FARS2: variants seen among roughly 807,000 people sequenced by gnomAD.
FARS2 encodes phenylalanine--tRNA ligase, mitochondrial.
A neutral mutation model predicts 46.4 loss-of-function variants in FARS2; 40 were observed. The observed-to-expected ratio is 0.86, with a 90% CI of 0.67 to 1.12. The LOEUF (loss-of-function observed/expected upper bound fraction) is 1.12. Among genes scored for constraint, FARS2 ranks in the 50% most tolerant of loss-of-function variants. The pLI is 0.00. For missense variants in FARS2, 513 were observed against 567.9 expected, an observed-to-expected ratio of 0.90 and a Z score of 0.98; for synonymous variants, 234 against 214.9, an observed-to-expected ratio of 1.09 and a Z score of -0.78.
intron 4 of FARS2, among the ~76,000 whole-genome samples, chr6:5,528,725 G>C (rs187153866): frequency 6.6e-6 from 1 of 152,270 alleles, no homozygotes; most frequent in Admixed American, 6.5e-5. Context: ...CCAGTTTGGA[G>C]CAATGAAATG....
intron 4 of FARS2, among the ~76,000 whole-genome samples, chr6:5,510,339 C>T (rs1333266903): frequency 2.6e-5 from 4 of 152,156 alleles, no homozygotes; most frequent in African/African-American, 4.8e-5. Flanking sequence ...CTGGTCCCTT[C>T]GCCCTCTCCC....
intron 4 of FARS2, among the ~76,000 whole-genome samples, chr6:5,525,086 C>T (rs192862798): frequency 7.2e-5 from 11 of 152,002 alleles, no homozygotes; most frequent in South Asian, 2.1e-4. Flanking sequence ...CTTCTTTCCT[C>T]GGGCACTCGC....
At chr6:5,378,473 C>T (rs929999684) in intron 2 of FARS2, among the ~76,000 whole-genome samples, 11 of 152,214 alleles carry the variant, frequency 7.2e-5, no homozygotes, top group African/African-American at 2.7e-4. Context: ...CCAGATGGTT[C>T]ACTGGAACCC....
chr6:5,260,132 C>T (rs1020659587), upstream of FARS2, among the ~76,000 whole-genome samples: 1 of 152,146 alleles, frequency 6.6e-6, no homozygotes, highest in Non-Finnish European at 1.5e-5. Flanking sequence ...CGCATTTCCA[C>T]CATACCCTAA....
chr6:5,433,607 A>G (rs1763357411), intron 4 of FARS2, among the ~76,000 whole-genome samples: 1 of 152,260 alleles, frequency 6.6e-6, no homozygotes. Flanking sequence ...TTGTATGTGC[A>G]TCTCAACAGA....
At position 5,268,265 on chromosome 6, in the gene FARS2, A is replaced by C. The variant is rs953946796; in HGVS notation, c.-22+6605A>C. On this transcript the variant is annotated intron_variant, in intron 1 of 6. Transcript: ENST00000274680. ...TGCCATTGCTTTTGGTGTTTTAGACACGAAGTCCTTGCCCATGCCTATGTC... is the reference window on the plus strand; with the variant it reads ...TGCCATTGCTTTTGGTGTTTTAGACCCGAAGTCCTTGCCCATGCCTATGTC... Among the ~76,000 whole-genome samples the C allele has an allele frequency of 4.0e-5, 6 of 151,558 alleles. No individual in the cohort carries two copies. The East Asian group carries it at 7.7e-4, about 20-fold the overall frequency.
In FARS2 at chr6:5,459,200, A is replaced by G. The variant is rs189422182; in HGVS notation, c.904+28028A>G. 2.0e-5 allele frequency among the ~76,000 whole-genome samples: 3 copies of G among 152,316 alleles called. No individual in the cohort carries two copies. In the East Asian group the frequency reaches 5.8e-4, roughly 29 times the overall value. On this transcript the variant is annotated intron_variant, in intron 4 of 6. Transcript: ENST00000274680. ...CTTCTAAGAAAAACAAATTAGTTTAACATATTTCTAGAAATGGAAACTCTT... is the reference window on the plus strand; with the variant it reads ...CTTCTAAGAAAAACAAATTAGTTTAGCATATTTCTAGAAATGGAAACTCTT...
chr6:5,420,283 C>T (rs1762471574), intron 3 of FARS2, among the ~76,000 whole-genome samples: 1 of 152,156 alleles, frequency 6.6e-6, no homozygotes, highest in Non-Finnish European at 1.5e-5. Context: ...TCATTCCATC[C>T]CTGGCCCCTC....
intron 5 of FARS2, among the ~76,000 whole-genome samples, chr6:5,569,813 G>A (rs564496139): frequency 1.3e-5 from 2 of 152,244 alleles, no homozygotes; most frequent in South Asian, 2.1e-4. Context: ...GCAAGCACTG[G>A]CATGGGTTGA....
intron 4 of FARS2, among the ~76,000 whole-genome samples, chr6:5,450,279 A>G (rs1299018799): frequency 1.3e-5 from 2 of 151,840 alleles, no homozygotes; most frequent in Non-Finnish European, 2.9e-5. Flanking sequence ...GGTGGCATCT[A>G]GTGTGACTTG....
chr6:5,491,371 T>C (rs138093829), intron 4 of FARS2, among the ~76,000 whole-genome samples: 119 of 152,320 alleles, frequency 7.8e-4, no homozygotes, highest in Middle Eastern at 6.8e-3. Context: ...GCTACCATAA[T>C]TGTTGCTGTG....
intron 4 of FARS2, among the ~76,000 whole-genome samples, chr6:5,449,241 C>T (rs965918701): frequency 5.3e-5 from 8 of 150,192 alleles, no homozygotes; most frequent in South Asian, 2.1e-4. Context: ...ACCAGCTACT[C>T]GGGAGGCTGA....
At chr6:5,478,965 A>G (rs1766284275) in intron 4 of FARS2, among the ~76,000 whole-genome samples, 1 of 152,194 alleles carries the variant, frequency 6.6e-6, no homozygotes, top group African/African-American at 2.4e-5. Flanking sequence ...CTTGACTATA[A>G]AATATACAAA....
intron 6 of FARS2, among the ~76,000 whole-genome samples, chr6:5,643,736 C>T (rs1319258673): frequency 6.6e-6 from 1 of 152,152 alleles, no homozygotes; most frequent in Non-Finnish European, 1.5e-5. Flanking sequence ...CAAGGGTAAA[C>T]TGCTTGATCC....
chr6:5,256,131 C>T (rs1170737082), upstream of FARS2, among the ~76,000 whole-genome samples: 2 of 151,994 alleles, frequency 1.3e-5, no homozygotes, highest in South Asian at 2.1e-4. Flanking sequence ...GCTACGGATG[C>T]TATTCTAGGG....
chr6:5,640,441 C>G (rs1366144249), intron 6 of FARS2, among the ~76,000 whole-genome samples: 1 of 152,182 alleles, frequency 6.6e-6, no homozygotes, highest in African/African-American at 2.4e-5. Flanking sequence ...GAGCTTCCCC[C>G]GAGTTGGAGC....
At chr6:5,417,770 T>C (rs1762325106) in intron 3 of FARS2, among the ~76,000 whole-genome samples, 2 of 152,240 alleles carry the variant, frequency 1.3e-5, no homozygotes, top group South Asian at 2.1e-4. Flanking sequence ...TGGATTTATA[T>C]TTTTCGTGAA....
chr6:5,643,421 T>G (rs948732081), intron 6 of FARS2, among the ~76,000 whole-genome samples: 3 of 152,106 alleles, frequency 2.0e-5, no homozygotes, highest in Non-Finnish European at 4.4e-5. Context: ...AAACCTCAGA[T>G]AGGAGCCAAA....
chr6:5,321,918 T>C (rs1339581122), intron 1 of FARS2, among the ~76,000 whole-genome samples: 1 of 152,216 alleles, frequency 6.6e-6, no homozygotes, highest in African/African-American at 2.4e-5. Flanking sequence ...TCACAATTTA[T>C]GGTGTGGTGG....
Sources: allele counts gnomAD v4.1 joint callset (sites outside exome capture counted in the v4.1 genomes callset), GRCh38; gene constraint gnomAD v4.1.1; transcripts MANE v1.5; gene names NCBI Gene and HGNC (gene_info 2026-07-23, HGNC 2026-07-21).